The following NPAS3 variants were observed in gnomAD, a reference collection of about 807,000 sequenced individuals.
The protein encoded by NPAS3 is neuronal PAS domain protein 3.
NPAS3 carries 14 observed loss-of-function variants against 73.1 expected under a neutral mutation model. That is an observed-to-expected ratio of 0.19 (90% CI 0.13 to 0.30). The LOEUF (loss-of-function observed/expected upper bound fraction) is 0.30. Among genes scored for constraint, NPAS3 ranks in the 10% least tolerant of loss-of-function variants. The probability of loss-of-function intolerance (pLI) is 1.00; values close to 1 mark genes in which losing one functional copy is unlikely to be tolerated. For missense variants in NPAS3, 1,096 were observed against 1,250.0 expected (o/e 0.88, Z 1.86); for synonymous variants, 620 against 541.5 (o/e 1.14, Z -2.01).
chr14:33,603,989 T>C (rs2057477841), intron 5 of NPAS3, among the ~76,000 whole-genome samples: 1 of 151,902 alleles, frequency 6.6e-6, no homozygotes, highest in Admixed American at 6.5e-5. Context: ...GTTAAAGATT[T>C]ATAATATGAG....
chr14:33,649,772 C>A lies in NPAS3; in HGVS notation c.559-26439C>A, dbSNP rs189653804. The stretch of plus-strand genomic sequence containing the variant: ...AGCTAAATCAGAAAACTCTAAGAAA[C>A]AGACTGCATATAATAAAGGAAATGA... On this transcript the variant is annotated intron_variant, in intron 5 of 11. Transcript: ENST00000356141. Among the ~76,000 whole-genome samples, 532 of 152,166 alleles carry A rather than the reference C, an allele frequency of 3.5e-3. 5 individuals are homozygous for A. Among genetic ancestry groups the A allele is most frequent in the African/African-American group, 0.012 (510 of 41,490 alleles).
At chr14:33,273,649 C>G (rs2041200150) in intron 3 of NPAS3, among the ~76,000 whole-genome samples, 2 of 152,106 alleles carry the variant, frequency 1.3e-5, no homozygotes, top group Admixed American at 1.3e-4. Flanking sequence ...TCATGAATAT[C>G]CCACTGCTAT....
chr14:33,360,783 C>T (rs1249436517), intron 3 of NPAS3, among the ~76,000 whole-genome samples: 1 of 152,164 alleles, frequency 6.6e-6, no homozygotes, highest in Admixed American at 6.5e-5. Flanking sequence ...TTCTTTTAGG[C>T]CAGTCCACTC....
chr14:33,791,194 C>G (rs537745679), intron 9 of NPAS3, among the ~76,000 whole-genome samples: 1 of 152,180 alleles, frequency 6.6e-6, no homozygotes, highest in African/African-American at 2.4e-5. Flanking sequence ...ACGGTGGGCT[C>G]CCGAACCTGC....
intron 1 of NPAS3, among the ~76,000 whole-genome samples, chr14:33,046,356 G>C (rs2138451932): frequency 6.6e-6 from 1 of 152,272 alleles, no homozygotes; most frequent in Middle Eastern, 3.4e-3. Context: ...AGAATCCTCA[G>C]GGCAGTGGTC....
chr14:33,110,907 T>C (rs1033885642), intron 2 of NPAS3, among the ~76,000 whole-genome samples: 2 of 152,130 alleles, frequency 1.3e-5, no homozygotes, highest in African/African-American at 4.8e-5. Context: ...ATAGCAGTTG[T>C]GGGAAGCAGG....
intron 5 of NPAS3, among the ~76,000 whole-genome samples, chr14:33,642,703 C>T (rs948542748): frequency 1.1e-4 from 16 of 152,106 alleles, no homozygotes; most frequent in Non-Finnish European, 4.4e-5. Flanking sequence ...TACCAGTGTG[C>T]ACCTATTTTT....
At chr14:33,657,537 TACTG>T (rs1446118397) in intron 5 of NPAS3, among the ~76,000 whole-genome samples, 3 of 125,954 alleles carry the variant, frequency 2.4e-5, no homozygotes, top group Non-Finnish European at 5.2e-5. Context: ...ACATTTTTGA[TACTG>T]AAGGAAAAAG....
intron 3 of NPAS3, among the ~76,000 whole-genome samples, chr14:33,253,022 C>T (rs2048645503): frequency 6.6e-6 from 1 of 152,030 alleles, no homozygotes; most frequent in Admixed American, 6.6e-5. Flanking sequence ...TCCAGTCAAC[C>T]ACTGATGGAC....
intron 2 of NPAS3, among the ~76,000 whole-genome samples, chr14:33,091,625 G>A (rs953260579): frequency 6.6e-6 from 1 of 150,832 alleles, no homozygotes; most frequent in Non-Finnish European, 1.5e-5. Context: ...AGGGAATGAG[G>A]CCAGCATCAT....
At chr14:33,414,548 A>T (rs556755635) in intron 4 of NPAS3, among the ~76,000 whole-genome samples, 98 of 152,250 alleles carry the variant, frequency 6.4e-4, no homozygotes, top group South Asian at 4.1e-3. Context: ...ATTACTGATA[A>T]GTTTTACTTC....
intron 7 of NPAS3, among the ~76,000 whole-genome samples, chr14:33,767,899 G>A (rs186515390): frequency 2.6e-5 from 4 of 152,268 alleles, no homozygotes; most frequent in African/African-American, 9.6e-5. Context: ...GCACATCTAA[G>A]AGTGTATCAC....
intron 4 of NPAS3, among the ~76,000 whole-genome samples, chr14:33,480,899 G>T (rs1188697461): frequency 2.0e-5 from 3 of 151,912 alleles, no homozygotes; most frequent in Non-Finnish European, 2.9e-5. Context: ...ATTACATCAG[G>T]CATAAGGATG....
chr14:33,094,327 A>G (rs746622155), intron 2 of NPAS3, among the ~76,000 whole-genome samples: 3 of 152,182 alleles, frequency 2.0e-5, no homozygotes, highest in East Asian at 1.9e-4. Flanking sequence ...TAGTTATTCA[A>G]TTTATTATCT....
intron 4 of NPAS3, among the ~76,000 whole-genome samples, chr14:33,383,458 T>C (rs946957484): frequency 6.6e-6 from 1 of 152,192 alleles, no homozygotes; most frequent in Non-Finnish European, 1.5e-5. Context: ...GCTGGGCTCC[T>C]AGTAGGGTTA....
chr14:33,092,290 TG>T (rs1164952626), intron 2 of NPAS3, among the ~76,000 whole-genome samples: 1 of 152,164 alleles, frequency 6.6e-6, no homozygotes, highest in African/African-American at 2.4e-5. Flanking sequence ...ACAAAATCAA[TG>T]TGCAAAAATC....
At chr14:33,637,178 C>G (rs999751428) in intron 5 of NPAS3, among the ~76,000 whole-genome samples, 2 of 152,144 alleles carry the variant, frequency 1.3e-5, no homozygotes, top group Admixed American at 1.3e-4. Flanking sequence ...CCATAATGCT[C>G]TAAAGATATT....
chr14:33,720,770 C>A, intron 6 of NPAS3, among the ~76,000 whole-genome samples: 1 of 152,082 alleles, frequency 6.6e-6, no homozygotes, highest in East Asian at 1.9e-4. Flanking sequence ...ATATTAAGCC[C>A]TTTAAATAGT....
intron 4 of NPAS3, among the ~76,000 whole-genome samples, chr14:33,520,484 G>C (rs1476294972): frequency 6.6e-6 from 1 of 152,068 alleles, no homozygotes; most frequent in Non-Finnish European, 1.5e-5. Context: ...AAGAAAAAAA[G>C]TGAAACTGGA....
Sources: gnomAD v4.1 joint callset for allele counts (sites outside exome capture counted in the v4.1 genomes callset) on GRCh38, gnomAD v4.1.1 for gene constraint, MANE v1.5 for transcripts, NCBI Gene and HGNC (gene_info 2026-07-23, HGNC 2026-07-21) for gene names.